The following RAB38 variants were observed in gnomAD, a reference collection of about 807,000 sequenced individuals.
The protein encoded by RAB38 is RAB38, member RAS oncogene family.
Under a neutral mutation model 18.4 loss-of-function variants are expected in RAB38, and 15 were observed. The ratio of observed to expected loss-of-function variants is 0.82; its 90% CI spans 0.55 to 1.26. The LOEUF (loss-of-function observed/expected upper bound fraction) is 1.26. RAB38 is among the 50% of genes most tolerant of loss of function. The pLI is 0.00. For missense variants in RAB38, 294 were observed against 267.4 expected, an observed-to-expected ratio of 1.10 and a Z score of -0.69; for synonymous variants, 101 against 104.4, an observed-to-expected ratio of 0.97 and a Z score of 0.20.
At chr11:87,847,025 G>A in the RAB38 span, among the ~76,000 whole-genome samples, 1 of 151,688 alleles carries the variant, frequency 6.6e-6, no homozygotes, top group South Asian at 2.1e-4. Flanking sequence ...CTAAAGCACA[G>A]GTAAGTAGAA....
At chr11:87,863,253 C>T in the RAB38 span, among the ~76,000 whole-genome samples, 130 of 151,916 alleles carry the variant, frequency 8.6e-4, no homozygotes, top group Middle Eastern at 3.4e-3. Context: ...CTTATTTCCT[C>T]ATCTTTAAAA....
At chr11:88,130,824 C>A (rs1341763113) in intron 2 of RAB38, among the ~76,000 whole-genome samples, 1 of 152,116 alleles carries the variant, frequency 6.6e-6, no homozygotes, top group Admixed American at 6.5e-5. Flanking sequence ...TCATAAAAGG[C>A]ATACTTATCA....
intron 1 of RAB38, among the ~76,000 whole-genome samples, chr11:88,151,985 A>G (rs530996186): frequency 1.3e-5 from 2 of 152,346 alleles, no homozygotes; most frequent in East Asian, 3.9e-4. Context: ...CTAGTCAACG[A>G]AAGAAAGGGG....
At chr11:88,004,525 T>C in the RAB38 span, among the ~76,000 whole-genome samples, 2,255 of 151,328 alleles carry the variant, frequency 0.015, 28 homozygotes, top group Middle Eastern at 0.054. Flanking sequence ...ATTACACTTA[T>C]ATCACTCTTA....
the RAB38 span, among the ~76,000 whole-genome samples, chr11:88,047,174 C>T: frequency 0.095 from 14,405 of 152,170 alleles, 736 homozygotes; most frequent in Middle Eastern, 0.15. Context: ...TCTGCTCCCC[C>T]GGCTCCTTCA....
chr11:87,923,989 C>T, the RAB38 span, among the ~76,000 whole-genome samples: 71,730 of 150,810 alleles, frequency 0.48, 18,102 homozygotes, highest in East Asian at 0.65. Context: ...TTTCTAAGCC[C>T]TCTTTCATCT....
chr11:87,835,656 G>C, the RAB38 span, among the ~76,000 whole-genome samples: 1 of 152,108 alleles, frequency 6.6e-6, no homozygotes, highest in Non-Finnish European at 1.5e-5. Context: ...CATATACAGA[G>C]GGAATACCAT....
At chr11:87,976,276 GTA>G in the RAB38 span, among the ~76,000 whole-genome samples, 10 of 140,170 alleles carry the variant, frequency 7.1e-5, no homozygotes, top group Admixed American at 1.5e-4. Flanking sequence ...GAAGGTGTGT[GTA>G]TATATATATA....
intron 2 of RAB38, among the ~76,000 whole-genome samples, chr11:88,119,669 C>CAA (rs34044049): frequency 0.019 from 2,042 of 106,586 alleles, 50 homozygotes; most frequent in African/African-American, 0.064. Context: ...ACCAGAGAGC[C>CAA]AAAAAAAAAA....
intron 2 of RAB38, among the ~76,000 whole-genome samples, chr11:88,123,577 A>G (rs891778875): frequency 6.6e-6 from 1 of 152,232 alleles, no homozygotes; most frequent in Non-Finnish European, 1.5e-5. Flanking sequence ...ATAAAAGTTG[A>G]GCTGAACTAC....
the RAB38 span, among the ~76,000 whole-genome samples, chr11:88,047,316 T>A: frequency 6.6e-6 from 1 of 152,116 alleles, no homozygotes; most frequent in South Asian, 2.1e-4. Flanking sequence ...CACCTGACAT[T>A]CCCTCCATAT....
At chr11:88,139,559 C>T (rs1942880086) in intron 2 of RAB38, among the ~76,000 whole-genome samples, 1 of 152,140 alleles carries the variant, frequency 6.6e-6, no homozygotes, top group African/African-American at 2.4e-5. Flanking sequence ...TAGCAAAGTG[C>T]CTACTTGAAT....
At chr11:88,174,138 T>C (rs1395390653) in intron 1 of RAB38, 1 of 954,210 alleles carries the variant, frequency 1.0e-6, no homozygotes. Context: ...TCCTTGACCC[T>C]TGCCCAACTC....
At chr11:88,015,628 C>T in the RAB38 span, among the ~76,000 whole-genome samples, 1 of 152,016 alleles carries the variant, frequency 6.6e-6, no homozygotes, top group Admixed American at 6.6e-5. Context: ...GATAAGACTC[C>T]AGGAGAGGAA....
chr11:87,809,314 T>C, the RAB38 span, among the ~76,000 whole-genome samples: 2 of 152,220 alleles, frequency 1.3e-5, no homozygotes, highest in Non-Finnish European at 1.5e-5. Flanking sequence ...GCACAACTAC[T>C]GATTTGTCCA....
In RAB38 at chr11:88,147,631, G is replaced by A. The variant is rs71467590; in HGVS notation, c.483+2044C>T. Among the ~76,000 whole-genome samples the A allele has an allele frequency of 4.8e-3, 725 of 151,698 alleles. 1 individual carries two copies. The highest frequency in any genetic ancestry group is 0.01 in the Middle Eastern group (3 of 294). On this transcript the variant is annotated intron_variant, in intron 2 of 2. Transcript: ENST00000243662. ...AAAACAGCCGGGTGCGGTGGCTCAC[G>A]CCTGTAATCCCAGCACTTTGGGAGG...
intron 1 of RAB38, among the ~76,000 whole-genome samples, chr11:88,151,045 T>A (rs1017333758): frequency 6.6e-6 from 1 of 152,164 alleles, no homozygotes; most frequent in Non-Finnish European, 1.5e-5. Flanking sequence ...TTGTTGTTGT[T>A]GTTTAGGATA....
chr11:87,916,900 C>T, the RAB38 span, among the ~76,000 whole-genome samples: 1 of 152,056 alleles, frequency 6.6e-6, no homozygotes, highest in Non-Finnish European at 1.5e-5. Flanking sequence ...CTAAATGAAG[C>T]TATTTAACAT....
At chr11:88,044,556 C>T in the RAB38 span, among the ~76,000 whole-genome samples, 1 of 152,164 alleles carries the variant, frequency 6.6e-6, no homozygotes, top group South Asian at 2.1e-4. Flanking sequence ...GACAGTGGTT[C>T]CAAATAGCCA....
Sources: allele counts gnomAD v4.1 joint callset (sites outside exome capture counted in the v4.1 genomes callset), GRCh38; gene constraint gnomAD v4.1.1; transcripts MANE v1.5; gene names NCBI Gene and HGNC (gene_info 2026-07-23, HGNC 2026-07-21).